Variants in ATXN7L1 observed in about 807,000 individuals in gnomAD.
The protein encoded by ATXN7L1 is ataxin 7 like 1.
Under a neutral mutation model 70.8 loss-of-function variants are expected in ATXN7L1, and 15 were observed. The ratio of observed to expected loss-of-function variants is 0.21; its 90% CI spans 0.14 to 0.33. ATXN7L1 has a LOEUF of 0.33. ATXN7L1 is among the 10% of genes least tolerant of loss of function. The pLI is 1.00. For synonymous variants in ATXN7L1, 440 were observed against 445.1 expected, an observed-to-expected ratio of 0.99 and a Z score of 0.14; for missense variants, 975 against 1,097.1, an observed-to-expected ratio of 0.89 and a Z score of 1.57.
At chr7:105,617,033 A>AT (rs796539173) in intron 9 of ATXN7L1, among the ~76,000 whole-genome samples, 59 of 145,042 alleles carry the variant, frequency 4.1e-4, no homozygotes, top group African/African-American at 6.0e-4. Context: ...CATTTTTTCC[A>AT]TTTTTTTTTT....
intron 3 of ATXN7L1, among the ~76,000 whole-genome samples, chr7:105,738,306 T>G (rs1797638339): frequency 6.6e-6 from 1 of 152,196 alleles, no homozygotes; most frequent in South Asian, 2.1e-4. Context: ...CAGCTCTATA[T>G]GTCATTGTAT....
intron 3 of ATXN7L1, chr7:105,761,484 G>T: frequency 1.2e-6 from 2 of 1,613,666 alleles, no homozygotes; most frequent in Non-Finnish European, 1.7e-6. Flanking sequence ...TAAATGCTTT[G>T]TTGGCATTTG....
chr7:105,804,394 G>A (rs1563106822), intron 2 of ATXN7L1, among the ~76,000 whole-genome samples: 2 of 152,196 alleles, frequency 1.3e-5, no homozygotes, highest in South Asian at 2.1e-4. Flanking sequence ...CTGCCCCAAG[G>A]TAAGGTTCAG....
At chr7:105,811,999 T>C (rs759554656) in intron 2 of ATXN7L1, among the ~76,000 whole-genome samples, 3 of 152,184 alleles carry the variant, frequency 2.0e-5, no homozygotes, top group Admixed American at 6.5e-5. Flanking sequence ...AGCTTCCCCT[T>C]TCCCTTCTGT....
At chr7:105,634,461 TTTC>T (rs2115873959) in intron 7 of ATXN7L1, among the ~76,000 whole-genome samples, 1 of 152,128 alleles carries the variant, frequency 6.6e-6, no homozygotes, top group East Asian at 1.9e-4. Flanking sequence ...TGAAAGTACA[TTTC>T]TTATTCCAGC....
chr7:105,793,660 G>T (rs1403184856), intron 2 of ATXN7L1, among the ~76,000 whole-genome samples: 1 of 152,178 alleles, frequency 6.6e-6, no homozygotes, highest in South Asian at 2.1e-4. Flanking sequence ...ACGGAACTTT[G>T]TCCAAACACA....
chr7:105,776,132 G>A (rs1034527794), intron 3 of ATXN7L1, among the ~76,000 whole-genome samples: 2 of 152,132 alleles, frequency 1.3e-5, no homozygotes, highest in Admixed American at 6.5e-5. Flanking sequence ...TTTGTTACCC[G>A]AATTCTCCTC....
At chr7:105,795,883 A>T (rs1805919075) in intron 2 of ATXN7L1, among the ~76,000 whole-genome samples, 1 of 152,250 alleles carries the variant, frequency 6.6e-6, no homozygotes, top group Non-Finnish European at 1.5e-5. Flanking sequence ...TATAGGAATT[A>T]CAAAAATGTC....
intron 3 of ATXN7L1, among the ~76,000 whole-genome samples, chr7:105,693,534 C>CCCATCCAT (rs36181010): frequency 3.4e-4 from 47 of 139,572 alleles, no homozygotes; most frequent in African/African-American, 8.9e-4. Flanking sequence ...AATCTAATGC[C>CCCATCCAT]CCATCCATCC....
chr7:105,872,778 C>G (rs1006890646), intron 2 of ATXN7L1, among the ~76,000 whole-genome samples: 2 of 151,868 alleles, frequency 1.3e-5, no homozygotes, highest in African/African-American at 4.8e-5. Context: ...GTACTTAGTG[C>G]CACTGAATTG....
At chr7:105,667,217 C>A (rs1449234497) in intron 3 of ATXN7L1, among the ~76,000 whole-genome samples, 1 of 152,120 alleles carries the variant, frequency 6.6e-6, no homozygotes, top group Non-Finnish European at 1.5e-5. Flanking sequence ...GGCTGACTGG[C>A]CAAAGGAGAC....
At chr7:105,686,740 AGTACAG>A (rs1455177874) in intron 3 of ATXN7L1, among the ~76,000 whole-genome samples, 2 of 152,260 alleles carry the variant, frequency 1.3e-5, no homozygotes, top group African/African-American at 4.8e-5. Context: ...GGGTACTTAA[AGTACAG>A]TTTCTATGGA....
At chr7:105,760,647 AT>A (rs1383545101) in intron 3 of ATXN7L1, 1 of 772,570 alleles carries the variant, frequency 1.3e-6, no homozygotes, top group African/African-American at 1.9e-5. Context: ...GACATTAAAC[AT>A]TTCTGTTCAC....
chr7:105,761,184 AC>A, intron 3 of ATXN7L1: 1 of 1,326,736 alleles, frequency 7.5e-7, no homozygotes, highest in Non-Finnish European at 9.6e-7. Flanking sequence ...CCCCACAGGT[AC>A]CCCCTGCTCT....
chr7:105,616,822 CT>C (rs1207072837), intron 9 of ATXN7L1, among the ~76,000 whole-genome samples: 1 of 152,222 alleles, frequency 6.6e-6, no homozygotes, highest in African/African-American at 2.4e-5. Flanking sequence ...AACCTCCCAA[CT>C]TTCCTGCTGC....
chr7:105,837,013 C>G (rs1022723858), intron 2 of ATXN7L1, among the ~76,000 whole-genome samples: 1 of 152,104 alleles, frequency 6.6e-6, no homozygotes, highest in African/African-American at 2.4e-5. Context: ...TGACATTGCT[C>G]GGCTTCTGGG....
chr7:105,710,757 C>T (rs757080823), intron 3 of ATXN7L1, among the ~76,000 whole-genome samples: 38 of 152,160 alleles, frequency 2.5e-4, no homozygotes, highest in Non-Finnish European at 5.9e-5. Flanking sequence ...GCCAGTGCCA[C>T]ACACTTTTAA....
At chr7:105,784,336 C>A (rs1382205441) in intron 3 of ATXN7L1, among the ~76,000 whole-genome samples, 1 of 152,080 alleles carries the variant, frequency 6.6e-6, no homozygotes, top group African/African-American at 2.4e-5. Context: ...AGAGAATCCC[C>A]TTGGTATGGA....
chr7:105,788,517 C>A, intron 3 of ATXN7L1, 87 bp downstream of exon 3: 2 of 1,092,038 alleles, frequency 1.8e-6, no homozygotes, highest in East Asian at 2.4e-5. Flanking sequence ...CAAGACATGG[C>A]GAGACCCTGT....
Sources: gnomAD v4.1 joint callset for allele counts (sites outside exome capture counted in the v4.1 genomes callset) on GRCh38, gnomAD v4.1.1 for gene constraint, MANE v1.5 for transcripts, NCBI Gene and HGNC (gene_info 2026-07-23, HGNC 2026-07-21) for gene names.